CDK14: variants seen among roughly 807,000 people sequenced by gnomAD.
The protein encoded by CDK14 is cyclin dependent kinase 14.
Under a neutral mutation model 60.7 loss-of-function variants are expected in CDK14, and 34 were observed. The ratio of observed to expected loss-of-function variants is 0.56; its 90% CI spans 0.43 to 0.75. CDK14 has a LOEUF of 0.75. Ranked by LOEUF, CDK14 falls within the 30% of genes least tolerant of loss-of-function variation. The pLI is 0.00. For missense variants in CDK14, 482 were observed against 564.1 expected (o/e 0.85, Z 1.47); for synonymous variants, 197 against 203.7 (o/e 0.97, Z 0.28).
chr7:90,670,053 T>C (rs1207229489), intron 2 of CDK14, among the ~76,000 whole-genome samples: 5 of 152,254 alleles, frequency 3.3e-5, no homozygotes, highest in African/African-American at 1.2e-4. Context: ...GGAGTTATTT[T>C]CACTATTTTA....
At chr7:90,709,767 G>T in intron 2 of CDK14, 1 of 1,411,308 alleles carries the variant, frequency 7.1e-7, no homozygotes. Flanking sequence ...GGGGATTTCT[G>T]GGCTTTTTTT....
At chr7:90,961,341 T>A (rs3808263) in intron 9 of CDK14, among the ~76,000 whole-genome samples, 34,560 of 152,096 alleles carry the variant, frequency 0.23, 4,209 homozygotes, top group Middle Eastern at 0.31. Context: ...TATACAGTTT[T>A]ATGCAAGGAA....
At chr7:90,745,243 A>AT (rs1296851151) in intron 3 of CDK14, among the ~76,000 whole-genome samples, 5 of 151,980 alleles carry the variant, frequency 3.3e-5, no homozygotes, top group African/African-American at 1.2e-4. Flanking sequence ...TATTGAGATA[A>AT]TTTTTTGTCT....
At chr7:90,899,826 T>C (rs1792445417) in intron 7 of CDK14, among the ~76,000 whole-genome samples, 1 of 152,148 alleles carries the variant, frequency 6.6e-6, no homozygotes, top group Non-Finnish European at 1.5e-5. Context: ...TTAGTAGAAA[T>C]ATTACTACCG....
chr7:91,124,760 G>A (rs1435969510), intron 14 of CDK14, among the ~76,000 whole-genome samples: 1 of 152,064 alleles, frequency 6.6e-6, no homozygotes, highest in African/African-American at 2.4e-5. Context: ...TATGAGTGAA[G>A]CTTTCTTATA....
chr7:90,823,139 T>C (rs1318831843), intron 5 of CDK14, among the ~76,000 whole-genome samples: 1 of 152,142 alleles, frequency 6.6e-6, no homozygotes, highest in East Asian at 1.9e-4. Context: ...AGGGAGGACT[T>C]GGAGGCTGTC....
chr7:90,980,370 C>A (rs916480536), intron 9 of CDK14, among the ~76,000 whole-genome samples: 7 of 152,014 alleles, frequency 4.6e-5, no homozygotes, highest in Non-Finnish European at 1.0e-4. Flanking sequence ...GGAGACATTT[C>A]CTGATATAAG....
chr7:90,776,947 T>C (rs1455026330), intron 4 of CDK14, among the ~76,000 whole-genome samples: 1 of 151,816 alleles, frequency 6.6e-6, no homozygotes, highest in Non-Finnish European at 1.5e-5. Flanking sequence ...TGTTCCCCCT[T>C]CTCTAATGAA....
At chr7:90,630,855 G>A (rs1478310582) in intron 2 of CDK14, among the ~76,000 whole-genome samples, 2 of 147,914 alleles carry the variant, frequency 1.4e-5, no homozygotes, top group African/African-American at 2.5e-5. Context: ...ATTTGGTGGT[G>A]TTATCTCTGA....
intron 9 of CDK14, among the ~76,000 whole-genome samples, chr7:90,975,659 G>A (rs975087230): frequency 1.3e-5 from 2 of 151,824 alleles, no homozygotes; most frequent in African/African-American, 4.8e-5. Context: ...CTGTAATTTT[G>A]TGTCTTTTAG....
chr7:90,919,605 C>T (rs1793185442), intron 8 of CDK14, among the ~76,000 whole-genome samples: 1 of 152,138 alleles, frequency 6.6e-6, no homozygotes, highest in African/African-American at 2.4e-5. Flanking sequence ...TCTCTCATTC[C>T]TTGCTTCACT....
chr7:90,803,485 G>A (rs189276827), intron 5 of CDK14, among the ~76,000 whole-genome samples: 302 of 152,284 alleles, frequency 2.0e-3, no homozygotes, highest in Admixed American at 4.1e-3. Context: ...TAGACATGGA[G>A]CTTGATGAAG....
chr7:90,778,850 T>A (rs996477913), intron 4 of CDK14, among the ~76,000 whole-genome samples: 1 of 69,564 alleles, frequency 1.4e-5, no homozygotes, highest in African/African-American at 5.3e-5. Flanking sequence ...TGACCGACCT[T>A]CCTTCCTTCC....
At chr7:90,842,706 T>A (rs189969145) in intron 5 of CDK14, among the ~76,000 whole-genome samples, 17 of 152,276 alleles carry the variant, frequency 1.1e-4, no homozygotes. Flanking sequence ...AAATAGCATC[T>A]TATAAGAAAA....
intron 12 of CDK14, among the ~76,000 whole-genome samples, chr7:91,094,406 T>C (rs1023977985): frequency 2.6e-5 from 4 of 152,106 alleles, no homozygotes; most frequent in Admixed American, 2.6e-4. Flanking sequence ...TTTTTACAAG[T>C]GTAGCGGTGG....
At chr7:91,103,363 TC>T (rs1170552924) in intron 12 of CDK14, among the ~76,000 whole-genome samples, 1 of 152,218 alleles carries the variant, frequency 6.6e-6, no homozygotes, top group East Asian at 1.9e-4. Flanking sequence ...CACTTTCCAT[TC>T]CATCTTTTCA....
intron 9 of CDK14, among the ~76,000 whole-genome samples, chr7:90,967,196 A>C (rs1472145610): frequency 2.7e-5 from 4 of 150,068 alleles, no homozygotes; most frequent in Non-Finnish European, 5.9e-5. Flanking sequence ...GGAAGGAAGG[A>C]AGGAAGAAAG....
chr7:91,141,773 C>T (rs1355082070), intron 14 of CDK14, among the ~76,000 whole-genome samples: 1 of 151,798 alleles, frequency 6.6e-6, no homozygotes, highest in East Asian at 1.9e-4. Flanking sequence ...TGCCCGTATA[C>T]CTAGGATTTG....
At chr7:91,038,669 TA>T (rs1365514393) in intron 10 of CDK14, among the ~76,000 whole-genome samples, 4 of 152,358 alleles carry the variant, frequency 2.6e-5, no homozygotes, top group Admixed American at 1.3e-4. Flanking sequence ...TATCCACACC[TA>T]AATCTCATCT....
Sources: allele counts gnomAD v4.1 joint callset (sites outside exome capture counted in the v4.1 genomes callset), GRCh38; gene constraint gnomAD v4.1.1; transcripts MANE v1.5; gene names NCBI Gene and HGNC (gene_info 2026-07-23, HGNC 2026-07-21).